Variants in RYR2 observed in about 807,000 individuals in gnomAD.
RYR2 encodes cardiac muscle ryanodine receptor-calcium release channel.
In RYR2, 227 loss-of-function variants were observed where a neutral mutation model predicts 601.1. The observed-to-expected ratio is 0.38, with a 90% confidence interval of 0.34 to 0.42. RYR2 has a LOEUF of 0.42. Ranked by LOEUF, RYR2 falls within the 10% of genes least tolerant of loss-of-function variation. The probability of loss-of-function intolerance (pLI) is 1.00; values close to 1 mark genes in which losing one functional copy is unlikely to be tolerated. For missense variants in RYR2, 4,646 were observed against 6,156.5 expected, an observed-to-expected ratio of 0.75 and a Z score of 8.21; for synonymous variants, 2,223 against 2,175.1, an observed-to-expected ratio of 1.02 and a Z score of -0.61.
At chr1:237,444,727 A>C (rs896190069) in intron 13 of RYR2, among the ~76,000 whole-genome samples, 5 of 152,200 alleles carry the variant, frequency 3.3e-5, no homozygotes, top group African/African-American at 1.2e-4. Context: ...ACTTGTGAAA[A>C]TCATGGAACT....
chr1:237,148,553 TAC>T (rs1157417005), intron 1 of RYR2, among the ~76,000 whole-genome samples: 1 of 105,702 alleles, frequency 9.5e-6, no homozygotes, highest in African/African-American at 4.0e-5. Flanking sequence ...TATATATATA[TAC>T]ACACACACAT....
chr1:237,569,029 TTTCTCCTACTGTTGTG>T, intron 28 of RYR2, 100 bp from the exon 29 acceptor site: 1 of 810,438 alleles, frequency 1.2e-6, no homozygotes, highest in Non-Finnish European at 1.9e-6. Context: ...CCAGCTGGAG[TTTCTCCTACTGTTGTG>T]TTGATAGAAG....
Position 237,569,264 on chromosome 1 carries a change from CCTT to C in RYR2, c.3547_3549del (p.Leu1183del). 1 of 1,613,868 alleles carries C rather than the reference CCTT, an allele frequency of 6.2e-7. No homozygotes were observed. Among genetic ancestry groups the C allele is most frequent in the Non-Finnish European group, 8.5e-7 (1 of 1,179,860 alleles). ...TGATGTTCACACTGAATGGTGAAATCCTTCTTGATGATTCAGGCTCAGAACTGG... is the reference window on the plus strand; with the variant it reads ...TGATGTTCACACTGAATGGTGAAATCCTTGATGATTCAGGCTCAGAACTGG... On this transcript the variant is annotated inframe_deletion, in exon 29 of 105. Coordinates refer to ENST00000366574, the MANE Select transcript of RYR2 (RefSeq NM_001035.3).
At position 237,805,376 on chromosome 1, in the gene RYR2, C is replaced by T. The variant is rs370154033; in HGVS notation, c.14152-761C>T. Among the ~76,000 whole-genome samples the T allele has an allele frequency of 3.3e-4, 50 of 152,030 alleles. No individual in the cohort carries two copies. The East Asian group carries it at 7.4e-3, about 22-fold the overall frequency. On this transcript the variant is annotated intron_variant, in intron 98 of 104. Transcript: ENST00000366574. Reference sequence around the variant, plus strand: ...CGGGTGGATCACGAGGTTAGGAGATCAAGACCATCCTGGTTAACACAGTGA... The same window carrying T: ...CGGGTGGATCACGAGGTTAGGAGATTAAGACCATCCTGGTTAACACAGTGA...
At chr1:237,333,769 C>G in intron 3 of RYR2, 1 of 349,716 alleles carries the variant, frequency 2.9e-6, no homozygotes, top group African/African-American at 2.1e-5. Context: ...TTTTATCAAT[C>G]AAATTACTAT....
chr1:237,392,318 G>A (rs1702453021), intron 10 of RYR2, among the ~76,000 whole-genome samples: 1 of 152,074 alleles, frequency 6.6e-6, no homozygotes, highest in Non-Finnish European at 1.5e-5. Flanking sequence ...AACTAAAAGA[G>A]TGTAACTGGA....
intron 27 of RYR2, 151 bp from the exon 28 acceptor site, chr1:237,566,416 G>T: frequency 1.2e-6 from 1 of 820,760 alleles, no homozygotes; most frequent in Non-Finnish European, 1.8e-6. Flanking sequence ...TGGTAAAATG[G>T]GAAAGAAGAT....
At chr1:237,416,658 A>T (rs957762526) in intron 10 of RYR2, among the ~76,000 whole-genome samples, 11 of 151,924 alleles carry the variant, frequency 7.2e-5, no homozygotes, top group Non-Finnish European at 1.3e-4. Context: ...GATATATTAA[A>T]CTATACCTAA....
At chr1:237,748,996 A>T (rs2819768) in intron 80 of RYR2, among the ~76,000 whole-genome samples, 79,395 of 151,986 alleles carry the variant, frequency 0.52, 22,395 homozygotes, top group East Asian at 0.82. Flanking sequence ...ACGTAGGTTA[A>T]GTGCAAACAC....
At chr1:237,331,640 C>T (rs909119561) in intron 3 of RYR2, among the ~76,000 whole-genome samples, 28 of 151,392 alleles carry the variant, frequency 1.8e-4, no homozygotes, top group African/African-American at 6.8e-4. Context: ...GTAGCTGGGA[C>T]TACAGGCTCC....
intron 79 of RYR2, among the ~76,000 whole-genome samples, chr1:237,739,618 A>G (rs917166166): frequency 3.9e-5 from 6 of 152,168 alleles, no homozygotes; most frequent in African/African-American, 1.4e-4. Context: ...TAAGATACAC[A>G]TCGTTATGCC....
intron 63 of RYR2, among the ~76,000 whole-genome samples, chr1:237,692,091 A>T (rs1195507707): frequency 6.6e-6 from 1 of 152,240 alleles, no homozygotes; most frequent in Non-Finnish European, 1.5e-5. Flanking sequence ...AGAGTCCAAC[A>T]GTAATAATGA....
intron 27 of RYR2, among the ~76,000 whole-genome samples, chr1:237,553,957 C>T (rs1022945769): frequency 2.6e-5 from 4 of 151,826 alleles, no homozygotes; most frequent in African/African-American, 9.7e-5. Context: ...ATGAGGTCTG[C>T]AAAAACTAAA....
chr1:237,049,572 C>T (rs773878440), intron 1 of RYR2, among the ~76,000 whole-genome samples: 18 of 152,268 alleles, frequency 1.2e-4, no homozygotes, highest in Middle Eastern at 3.4e-3. Context: ...AACAAAATCT[C>T]ACCCTGGGAC....
chr1:237,069,418 C>T (rs1158318110), intron 1 of RYR2, among the ~76,000 whole-genome samples: 1 of 151,850 alleles, frequency 6.6e-6, no homozygotes, highest in Non-Finnish European at 1.5e-5. Flanking sequence ...AAACAGGGCA[C>T]AGCAAGTTGG....
intron 1 of RYR2, among the ~76,000 whole-genome samples, chr1:237,199,026 T>C (rs2149036920): frequency 6.6e-6 from 1 of 152,278 alleles, no homozygotes; most frequent in Admixed American, 6.5e-5. Context: ...AATCCGGTTA[T>C]GATCAATTTG....
chr1:237,357,645 T>C (rs142325992), intron 4 of RYR2, among the ~76,000 whole-genome samples: 1 of 152,316 alleles, frequency 6.6e-6, no homozygotes, highest in African/African-American at 2.4e-5. Flanking sequence ...AGTTTATTTG[T>C]AAATCATTGC....
At chr1:237,143,010 AAAG>A (rs1367754671) in intron 1 of RYR2, among the ~76,000 whole-genome samples, 2 of 152,162 alleles carry the variant, frequency 1.3e-5, no homozygotes, top group African/African-American at 4.8e-5. Flanking sequence ...TTCCTTGAAA[AAAG>A]AAGGTTCAGT....
At chr1:237,532,237 A>G (rs1377132337) in intron 25 of RYR2, among the ~76,000 whole-genome samples, 1 of 152,132 alleles carries the variant, frequency 6.6e-6, no homozygotes, top group African/African-American at 2.4e-5. Context: ...GGATTTAGGT[A>G]TTCTTTATCC....
Sources: allele counts gnomAD v4.1 joint callset (sites outside exome capture counted in the v4.1 genomes callset), GRCh38; gene constraint gnomAD v4.1.1; transcripts MANE v1.5; gene names NCBI Gene and HGNC (gene_info 2026-07-23, HGNC 2026-07-21).